PTPN11: variants seen among roughly 807,000 people sequenced by gnomAD.
PTPN11 encodes tyrosine-protein phosphatase non-receptor type 11.
A neutral mutation model predicts 78.8 loss-of-function variants in PTPN11; 6 were observed. The ratio of observed to expected loss-of-function variants is 0.08; its 90% CI spans 0.04 to 0.15. PTPN11 has a LOEUF of 0.15. PTPN11 is among the 10% of genes least tolerant of loss of function. PTPN11 has a pLI of 1.00. For synonymous variants in PTPN11, 221 were observed against 263.5 expected (o/e 0.84, Z 1.56); for missense variants, 386 against 744.8 (o/e 0.52, Z 5.61).
intron 9 of PTPN11, 87 bp downstream of exon 9, chr12:112,478,102 A>G: frequency 6.9e-7 from 1 of 1,453,822 alleles, no homozygotes; most frequent in South Asian, 1.2e-5. Flanking sequence ...TGAATAAATG[A>G]ATTAAGCTTA....
intron 13 of PTPN11, among the ~76,000 whole-genome samples, chr12:112,492,569 G>A (rs764170185): frequency 4.6e-5 from 7 of 151,256 alleles, no homozygotes; most frequent in African/African-American, 7.3e-5. Flanking sequence ...CCAGGCTGGA[G>A]TGCAGTGGTG....
chr12:112,463,100 T>G (rs1191723308), intron 6 of PTPN11, among the ~76,000 whole-genome samples: 1 of 152,200 alleles, frequency 6.6e-6, no homozygotes, highest in East Asian at 1.9e-4. Context: ...GTAATCTAGA[T>G]TCAATAGAAT....
At chr12:112,449,865 A>G (rs2038053864) in intron 2 of PTPN11, among the ~76,000 whole-genome samples, 1 of 152,132 alleles carries the variant, frequency 6.6e-6, no homozygotes, top group South Asian at 2.1e-4. Context: ...TAGGAGTTTC[A>G]GACCAGCCTG....
chr12:112,422,703 G>C (rs2037542138), intron 1 of PTPN11, among the ~76,000 whole-genome samples: 2 of 152,286 alleles, frequency 1.3e-5, no homozygotes, highest in South Asian at 4.1e-4. Flanking sequence ...GTGGAAACTG[G>C]GATGTCTTTA....
chr12:112,438,090 G>A (rs916951306), intron 1 of PTPN11, among the ~76,000 whole-genome samples: 3 of 152,090 alleles, frequency 2.0e-5, no homozygotes, highest in South Asian at 2.1e-4. Context: ...TTCTGTTTCT[G>A]GGGGTGGTTT....
chr12:112,436,435 A>G (rs745457516), intron 1 of PTPN11, among the ~76,000 whole-genome samples: 1 of 152,198 alleles, frequency 6.6e-6, no homozygotes, highest in East Asian at 1.9e-4. Flanking sequence ...CAGAGAGATT[A>G]ATTAGCTTGC....
Position 112,475,549 on chromosome 12 carries a change from C to G in PTPN11, c.854-2102C>G, listed in dbSNP as rs918355899. On this transcript the variant is annotated intron_variant, in intron 7 of 15. Coordinates refer to ENST00000351677, the MANE Select transcript of PTPN11 (RefSeq NM_002834.5). ...GGATTACAGGCATGAGCGACTGCACCTGGCTATGCATACTATATTTATCCA... is the reference window on the plus strand; with the variant it reads ...GGATTACAGGCATGAGCGACTGCACGTGGCTATGCATACTATATTTATCCA... 2.0e-5 allele frequency among the ~76,000 whole-genome samples: 3 copies of G among 152,256 alleles called. No individual in the cohort carries two copies. In the East Asian group the frequency reaches 5.8e-4, roughly 29 times the overall value.
At chr12:112,483,484 G>A (rs1039679634) in intron 10 of PTPN11, among the ~76,000 whole-genome samples, 1 of 152,224 alleles carries the variant, frequency 6.6e-6, no homozygotes, top group Non-Finnish European at 1.5e-5. Flanking sequence ...GTGAGCCAGC[G>A]CACCCGGCCA....
At chr12:112,442,878 A>ATATATT (rs2037928825) in intron 1 of PTPN11, among the ~76,000 whole-genome samples, 1 of 82,900 alleles carries the variant, frequency 1.2e-5, no homozygotes, top group Non-Finnish European at 2.3e-5. Context: ...ATATATATAT[A>ATATATT]AATTATATAT....
rs146497890 is a variant in PTPN11 at position 112,453,238 on chromosome 12, T to C, written c.376T>C (p.Leu126=). 37 of 1,612,844 alleles carry C rather than the reference T, an allele frequency of 2.3e-5. No homozygotes were observed. The highest frequency in any genetic ancestry group is 3.0e-5 in the Non-Finnish European group (35 of 1,180,016). Reference sequence around the variant, plus strand: ...CTCTGGGAAAGAAGCAGAGAAATTATTAACTGAAAAAGGAAAACATGGTAG... The same window carrying C: ...CTCTGGGAAAGAAGCAGAGAAATTACTAACTGAAAAAGGAAAACATGGTAG... ...HLSGKEAEKL[L]TEKGKHGSFL... Residue 126 remains leucine (L), a synonymous_variant, in exon 4 of 16, where the codon TTA becomes CTA. Transcript: ENST00000351677.
intron 4 of PTPN11, 47 bp downstream of exon 4, chr12:112,453,434 G>A (rs1296407156): frequency 3.1e-5 from 47 of 1,534,774 alleles, no homozygotes; most frequent in Non-Finnish European, 4.2e-5. Flanking sequence ...TTACCTTTGG[G>A]TGATTTTTCT....
At chr12:112,490,808 A>G (rs1019110130) in intron 13 of PTPN11, among the ~76,000 whole-genome samples, 2 of 152,200 alleles carry the variant, frequency 1.3e-5, no homozygotes, top group African/African-American at 4.8e-5. Flanking sequence ...AAATCCTGCA[A>G]TATATAGTTT....
rs191362896 is a variant in PTPN11 at position 112,480,652 on chromosome 12, G to A, written c.1093-1422G>A. ...TGGGATTACAGGCGTGAGCCACTGC[G>A]CCCAACCAAGACCACATCCTTTTAT... On this transcript the variant is annotated intron_variant, in intron 9 of 15. Transcript: ENST00000351677. 9.2e-3 allele frequency among the ~76,000 whole-genome samples: 1,394 copies of A among 152,128 alleles called. 7 individuals are homozygous for A. The highest frequency in any genetic ancestry group is 0.011 in the Non-Finnish European group (768 of 67,996).
At chr12:112,442,641 A>T (rs896259515) in intron 1 of PTPN11, among the ~76,000 whole-genome samples, 1 of 149,892 alleles carries the variant, frequency 6.7e-6, no homozygotes, top group South Asian at 2.1e-4. Flanking sequence ...TAGTAGAGAC[A>T]GGGTTTCACC....
At chr12:112,438,831 C>A (rs1439076974) in intron 1 of PTPN11, among the ~76,000 whole-genome samples, 2 of 152,070 alleles carry the variant, frequency 1.3e-5, no homozygotes, top group African/African-American at 2.4e-5. Context: ...TGCTATGTTG[C>A]CCAGGCTGGT....
chr12:112,504,846 T>C lies in PTPN11; in HGVS notation c.*32+50T>C. 1 of 1,222,414 alleles carries C rather than the reference T, an allele frequency of 8.2e-7. No individual in the cohort carries two copies. The highest frequency in any genetic ancestry group is 1.2e-6 in the Non-Finnish European group (1 of 840,504). 75.7% of individuals were successfully genotyped at this position (1,222,414 alleles called of 1,614,324 possible). On this transcript the variant is annotated intron_variant, in intron 15 of 15. Transcript: ENST00000351677. The surrounding 1 kb of genome is among the most constrained non-coding windows in gnomAD (Gnocchi z 4.7). ...GGTTAATTGTTTATATAATTGGCAG[T>C]ATTTTTAAGCAGGCAAGCAATTTGG...
intron 1 of PTPN11, among the ~76,000 whole-genome samples, chr12:112,424,951 G>T (rs2135825959): frequency 1.7e-5 from 2 of 118,042 alleles, no homozygotes; most frequent in African/African-American, 3.3e-5. Flanking sequence ...ACCATGTCAG[G>T]CTAATTGTGT....
chr12:112,419,631 A>G (rs1236662154), intron 1 of PTPN11, among the ~76,000 whole-genome samples: 5 of 152,050 alleles, frequency 3.3e-5, no homozygotes, highest in African/African-American at 4.8e-5. Flanking sequence ...ACCCTTTTAT[A>G]TGCCTCTTTG....
chr12:112,453,941 C>G (rs746931213), intron 4 of PTPN11, among the ~76,000 whole-genome samples: 13 of 151,818 alleles, frequency 8.6e-5, no homozygotes, highest in Non-Finnish European at 1.6e-4. Flanking sequence ...AACTACTGTG[C>G]CTGATCCAAA....
Sources: allele counts gnomAD v4.1 joint callset (sites outside exome capture counted in the v4.1 genomes callset), GRCh38; gene constraint gnomAD v4.1.1; non-coding constraint Gnocchi (gnomAD v3.1); transcripts MANE v1.5; gene names NCBI Gene and HGNC (gene_info 2026-07-23, HGNC 2026-07-21).